CFAP61: variants seen among roughly 807,000 people sequenced by gnomAD.
CFAP61 encodes the protein cilia- and flagella-associated protein 61.
CFAP61 carries 107 observed loss-of-function variants against 135.6 expected under a neutral mutation model. The observed-to-expected ratio is 0.79, with a 90% CI of 0.67 to 0.93. CFAP61 has a LOEUF of 0.93. CFAP61 is among the 40% of genes least tolerant of loss of function. The pLI, the probability that CFAP61 is intolerant of heterozygous loss-of-function variation, is 0.00. For missense variants in CFAP61, 1,507 were observed against 1,556.2 expected, an observed-to-expected ratio of 0.97 and a Z score of 0.53; for synonymous variants, 575 against 578.5, an observed-to-expected ratio of 0.99 and a Z score of 0.09.
chr20:20,294,536 T>A lies in CFAP61; in HGVS notation c.3217-3645T>A, dbSNP rs147164566. Among the ~76,000 whole-genome samples, 611 of 152,338 alleles carry A rather than the reference T, an allele frequency of 4.0e-3. 7 individuals carry two copies. Among genetic ancestry groups the A allele is most frequent in the South Asian group, 0.031 (151 of 4,826 alleles). ...TTCTCTAGTGTAGCTGCTTCTGGAC[T>A]CTAAGCCCTCATTTCTGTAAGGCCC... is the stretch of plus-strand genomic sequence containing the variant. On this transcript the variant is annotated intron_variant, in intron 24 of 26. Coordinates refer to ENST00000245957, the MANE Select transcript of CFAP61 (RefSeq NM_015585.4).
At chr20:20,262,234 G>A (rs1384520454) in intron 20 of CFAP61, among the ~76,000 whole-genome samples, 1 of 152,148 alleles carries the variant, frequency 6.6e-6, no homozygotes, top group Admixed American at 6.5e-5. Context: ...AGGCCTTTAT[G>A]GCTATCTCCA....
intron 2 of CFAP61, among the ~76,000 whole-genome samples, chr20:20,070,221 C>A (rs1336401886): frequency 6.6e-6 from 1 of 152,206 alleles, no homozygotes; most frequent in East Asian, 1.9e-4. Flanking sequence ...TTAAGCAAGA[C>A]CCCTGGGAGT....
At chr20:20,119,032 T>C (rs148843000) in intron 8 of CFAP61, among the ~76,000 whole-genome samples, 264 of 152,262 alleles carry the variant, frequency 1.7e-3, no homozygotes, top group Middle Eastern at 6.8e-3. Flanking sequence ...TAGTGTTTTG[T>C]TGAAATTTTT....
chr20:20,306,082 A>T (rs960626626), intron 25 of CFAP61, among the ~76,000 whole-genome samples: 1 of 152,168 alleles, frequency 6.6e-6, no homozygotes, highest in Non-Finnish European at 1.5e-5. Flanking sequence ...TTTTTAGCAT[A>T]TGTCACCTCC....
At chr20:20,340,872 G>A (rs185641902) in intron 25 of CFAP61, among the ~76,000 whole-genome samples, 4 of 152,200 alleles carry the variant, frequency 2.6e-5, no homozygotes, top group African/African-American at 4.8e-5. Context: ...CGTGGGGTGA[G>A]GCCTGATACT....
At chr20:20,234,155 G>C (rs929303153) in intron 18 of CFAP61, among the ~76,000 whole-genome samples, 1 of 152,204 alleles carries the variant, frequency 6.6e-6, no homozygotes, top group Admixed American at 6.5e-5. Context: ...AACTGCCTGA[G>C]AGCAGGGCCG....
intron 4 of CFAP61, 113 bp from the exon 5 acceptor site, chr20:20,075,076 A>C: frequency 2.1e-6 from 2 of 938,746 alleles, no homozygotes; most frequent in East Asian, 2.4e-5. Flanking sequence ...AAAGGAGCCC[A>C]TGTGGATTTA....
chr20:20,072,260 G>A (rs1422043697), intron 3 of CFAP61, among the ~76,000 whole-genome samples: 2 of 151,448 alleles, frequency 1.3e-5, no homozygotes, highest in African/African-American at 4.9e-5. Context: ...GACTATAGGC[G>A]CCTGCCACCA....
At chr20:20,229,049 C>T (rs947424191) in intron 18 of CFAP61, among the ~76,000 whole-genome samples, 2 of 152,206 alleles carry the variant, frequency 1.3e-5, no homozygotes, top group African/African-American at 4.8e-5. Flanking sequence ...ACAGGTAAAA[C>T]CCTTCAGGGA....
chr20:20,178,435 A>G lies in CFAP61; in HGVS notation c.1385+8975A>G, dbSNP rs185474198. 4.6e-5 allele frequency among the ~76,000 whole-genome samples: 7 copies of G among 152,274 alleles called. No homozygotes were observed. The East Asian group carries it at 1.4e-3, about 29-fold the overall frequency. On this transcript the variant is annotated intron_variant, in intron 13 of 26. Coordinates refer to ENST00000245957, the MANE Select transcript of CFAP61 (RefSeq NM_015585.4). ...TTTTCTGTCCTCTTGTTTATTCATT[A>G]GCAGAGAACATATTCAGGTGAACTG...
chr20:20,321,674 G>T (rs16981794), intron 25 of CFAP61, among the ~76,000 whole-genome samples: 58 of 152,068 alleles, frequency 3.8e-4, no homozygotes, highest in African/African-American at 1.3e-3. Flanking sequence ...CCATGTTTAC[G>T]TTGCAAGCCC....
intron 25 of CFAP61, among the ~76,000 whole-genome samples, chr20:20,333,738 A>G (rs1164578280): frequency 6.6e-6 from 1 of 152,238 alleles, no homozygotes. Flanking sequence ...CAACATTCTG[A>G]AAACTAAGAC....
chr20:20,075,226 T>G lies in CFAP61; in HGVS notation c.409T>G (p.Phe137Val). 6.2e-7 allele frequency: 1 copy of G among 1,614,174 alleles called. No homozygotes were observed. Among genetic ancestry groups the G allele is most frequent in the Non-Finnish European group, 8.5e-7 (1 of 1,180,016 alleles). The change falls in exon 5 of 27, where the codon TTT becomes GTT. Residue 137 changes from phenylalanine (F) to valine (V), a missense_variant. Coordinates refer to ENST00000245957, the MANE Select transcript of CFAP61 (RefSeq NM_015585.4). Reference sequence around the variant, plus strand: ...GGCAGTGCCAGAGCTGCACTTCATATTTCTCATCGTGCCATCCTACATGAG... The same window carrying G: ...GGCAGTGCCAGAGCTGCACTTCATAGTTCTCATCGTGCCATCCTACATGAG... ...YKAVPELHFI[F>V]LIVPSYMSLG... is the part of the protein sequence containing the mutation.
At chr20:20,088,157 A>G (rs2046938258) in intron 6 of CFAP61, among the ~76,000 whole-genome samples, 2 of 152,306 alleles carry the variant, frequency 1.3e-5, no homozygotes, top group East Asian at 3.9e-4. Context: ...ATGCCCTTGC[A>G]TCATGGAATA....
chr20:20,360,020 C>A (rs1284284832), intron 26 of CFAP61, among the ~76,000 whole-genome samples, 190 bp from the exon 27 acceptor site: 1 of 152,084 alleles, frequency 6.6e-6, no homozygotes, highest in Non-Finnish European at 1.5e-5. Flanking sequence ...GAACTGTACA[C>A]CTAAAAATTA....
chr20:20,119,261 C>T (rs372765070), intron 8 of CFAP61, among the ~76,000 whole-genome samples: 16 of 152,062 alleles, frequency 1.1e-4, no homozygotes, highest in African/African-American at 2.6e-4. Flanking sequence ...TTTCCTTGAT[C>T]GTAGACTTTT....
intron 8 of CFAP61, among the ~76,000 whole-genome samples, chr20:20,111,778 A>G (rs1351133624): frequency 1.3e-5 from 2 of 152,174 alleles, no homozygotes; most frequent in Non-Finnish European, 2.9e-5. Flanking sequence ...CAAAGAAAAG[A>G]GAGACGGGTT....
intron 2 of CFAP61, among the ~76,000 whole-genome samples, chr20:20,059,131 C>G (rs1600332840): frequency 6.6e-6 from 1 of 151,842 alleles, no homozygotes; most frequent in Non-Finnish European, 1.5e-5. Context: ...GAGATTAAGA[C>G]CATCCTGGCC....
At chr20:20,111,357 G>C (rs1480496111) in intron 8 of CFAP61, among the ~76,000 whole-genome samples, 1 of 152,060 alleles carries the variant, frequency 6.6e-6, no homozygotes, top group African/African-American at 2.4e-5. Context: ...CTATAGATTT[G>C]GATGGATTCC....
Sources: allele counts gnomAD v4.1 joint callset (sites outside exome capture counted in the v4.1 genomes callset), GRCh38; gene constraint gnomAD v4.1.1; transcripts MANE v1.5; gene names NCBI Gene and HGNC (gene_info 2026-07-23, HGNC 2026-07-21).